LCORL: variants seen among roughly 807,000 people sequenced by gnomAD.
The protein encoded by LCORL is ligand dependent nuclear receptor corepressor like.
Under a neutral mutation model 141.8 loss-of-function variants are expected in LCORL, and 41 were observed. The observed-to-expected ratio is 0.29, with a 90% CI of 0.23 to 0.38. The LOEUF is 0.38. Ranked by LOEUF, LCORL falls within the 10% of genes least tolerant of loss-of-function variation. LCORL has a pLI of 1.00. For synonymous variants in LCORL, 618 were observed against 694.1 expected (o/e 0.89, Z 1.72); for missense variants, 1,759 against 2,035.0 (o/e 0.86, Z 2.61).
chr4:17,923,691 C>T (rs1486709410), intron 4 of LCORL, among the ~76,000 whole-genome samples: 2 of 151,894 alleles, frequency 1.3e-5, no homozygotes, highest in South Asian at 2.1e-4. Context: ...TGTGAGCGAG[C>T]TGGAAATGCC....
At chr4:18,020,634 A>G (rs1725352493) in intron 1 of LCORL, 1 of 152,086 alleles carries the variant, frequency 6.6e-6, no homozygotes, top group Non-Finnish European at 1.5e-5. Context: ...ACCCTAAACA[A>G]TCCACAGGGT....
At position 17,940,187 on chromosome 4, in the gene LCORL, TAC is replaced by T. The variant is rs1448324270; in HGVS notation, c.430+21714_430+21715del. ...ATGTATACATGTATATATATATATA[TAC>T]ACACACACACATATACAGGTAGATA... On this transcript the variant is annotated intron_variant, in intron 4 of 7. Coordinates refer to ENST00000635767, the Ensembl canonical transcript of LCORL. Among the ~76,000 whole-genome samples the T allele has an allele frequency of 2.1e-3, 235 of 112,934 alleles. 9 individuals are homozygous for T. In the East Asian group the frequency reaches 0.052, roughly 25 times the overall value. 74.1% of individuals were successfully genotyped at this position (112,934 alleles called of 152,430 possible).
intron 5 of LCORL, among the ~76,000 whole-genome samples, chr4:17,888,987 GCTCT>G (rs1174155214): frequency 6.6e-6 from 1 of 151,950 alleles, no homozygotes; most frequent in Non-Finnish European, 1.5e-5. Context: ...CCCATTCTAA[GCTCT>G]CTTAGACTTG....
rs1727642344 is a variant in LCORL at position 17,882,038 on chromosome 4, AG to A, written c.777-3826del. 11 of 983,386 alleles carry A rather than the reference AG, an allele frequency of 1.1e-5. No individual in the cohort carries two copies. The South Asian group carries it at 4.7e-4, about 42-fold the overall frequency. The allele number at this position is 983,386 out of a possible 1,614,324, so 60.9% of individuals were successfully genotyped here. ...GTGCAGGTAACATTAATAGCTGAAGAGGGTTAAGTATAGATCTCAGAGACCA... is the reference window on the plus strand; with the variant it reads ...GTGCAGGTAACATTAATAGCTGAAGAGGTTAAGTATAGATCTCAGAGACCA... On this transcript the variant is annotated intron_variant, in intron 6 of 7. Transcript: ENST00000635767.
At chr4:17,989,559 C>A (rs757121842) in intron 1 of LCORL, among the ~76,000 whole-genome samples, 2 of 152,168 alleles carry the variant, frequency 1.3e-5, no homozygotes, top group Non-Finnish European at 2.9e-5. Context: ...GCAGAAGTAT[C>A]TCCCAAACTT....
intron 4 of LCORL, among the ~76,000 whole-genome samples, chr4:17,915,309 A>T (rs2109350221): frequency 1.3e-5 from 2 of 152,320 alleles, no homozygotes; most frequent in South Asian, 4.1e-4. Flanking sequence ...ACCACAACCC[A>T]GCTCACTCCT....
chr4:17,906,879 GT>G (rs1201378273), intron 5 of LCORL, among the ~76,000 whole-genome samples: 4 of 152,136 alleles, frequency 2.6e-5, no homozygotes, highest in East Asian at 1.9e-4. Context: ...TAGAGACGGG[GT>G]TTCACCATGT....
intron 7 of LCORL, among the ~76,000 whole-genome samples, chr4:17,863,704 A>G (rs1011888134): frequency 6.6e-6 from 1 of 152,252 alleles, no homozygotes; most frequent in African/African-American, 2.4e-5. Context: ...ATGTACATTT[A>G]TCACAGCATT....
intron 1 of LCORL, among the ~76,000 whole-genome samples, chr4:18,011,447 A>C (rs1723772296): frequency 1.3e-5 from 2 of 151,818 alleles, no homozygotes; most frequent in Non-Finnish European, 2.9e-5. Flanking sequence ...AAAAAAAAAC[A>C]ACTTCAAAGG....
rs956098318 is a variant in LCORL, at chr4:17,893,547, T to G, written c.683-7386A>C. On this transcript the variant is annotated intron_variant, in intron 5 of 7. Coordinates refer to ENST00000635767, the Ensembl canonical transcript of LCORL. ...AGGTAGATATTCTTCAGAAAATGGT[T>G]TGGAAGGACTGAACACAGGAGCACC... 5 of 985,182 alleles carry G rather than the reference T, an allele frequency of 5.1e-6. No individual in the cohort carries two copies. The African/African-American group carries it at 7.0e-5, about 14-fold the overall frequency. 61.0% of individuals were successfully genotyped at this position (985,182 alleles called of 1,614,324 possible).
intron 2 of LCORL, among the ~76,000 whole-genome samples, chr4:17,964,326 T>C (rs1714429742): frequency 6.6e-6 from 1 of 152,126 alleles, no homozygotes; most frequent in African/African-American, 2.4e-5. Context: ...TTACCTTGTA[T>C]GTGAATAAGG....
chr4:17,988,050 G>A (rs993335219), intron 1 of LCORL, among the ~76,000 whole-genome samples: 4 of 152,098 alleles, frequency 2.6e-5, no homozygotes, highest in African/African-American at 9.7e-5. Context: ...GATTTATAGG[G>A]GCGGGTCTTT....
intron 7 of LCORL, among the ~76,000 whole-genome samples, chr4:17,848,178 G>GA (rs1055609874): frequency 1.3e-5 from 2 of 151,914 alleles, no homozygotes; most frequent in African/African-American, 2.4e-5. Context: ...TGTCAGTTTT[G>GA]AAAAAAACCT....
rs186441605 is a variant in LCORL at position 17,986,588 on chromosome 4, T to G, written c.155-13703A>C. On this transcript the variant is annotated intron_variant, in intron 1 of 7. Transcript: ENST00000635767. Reference sequence around the variant, plus strand: ...ATTGCATTGTGATATTCTTGTAGTGTGTTTTTCTGCTCTATCAGATCAGTT... The same window carrying G: ...ATTGCATTGTGATATTCTTGTAGTGGGTTTTTCTGCTCTATCAGATCAGTT... Among the ~76,000 whole-genome samples the G allele has an allele frequency of 1.3e-4, 20 of 152,350 alleles. No homozygotes were observed. In the East Asian group the frequency reaches 3.7e-3, roughly 28 times the overall value.
chr4:17,878,057 G>A, exon 7 of LCORL: 1 of 1,230,518 alleles, frequency 8.1e-7, no homozygotes, highest in Non-Finnish European at 1.0e-6. Flanking sequence ...TATTACAACA[G>A]CAAAGAGAAG....
At chr4:17,975,139 C>T (rs188123444) in intron 1 of LCORL, among the ~76,000 whole-genome samples, 138 of 151,714 alleles carry the variant, frequency 9.1e-4, no homozygotes, top group Non-Finnish European at 1.5e-3. Flanking sequence ...ACTTATTTTT[C>T]TAAGTTTTTA....
chr4:17,875,663 G>C, exon 7 of LCORL: 1 of 1,231,320 alleles, frequency 8.1e-7, no homozygotes, highest in South Asian at 4.1e-5. Context: ...GGCAAACAGT[G>C]ATGTTTGTTT....
chr4:17,986,901 ATTTTGT>A (rs1305992765), intron 1 of LCORL, among the ~76,000 whole-genome samples: 1 of 151,788 alleles, frequency 6.6e-6, no homozygotes, highest in Non-Finnish European at 1.5e-5. Context: ...TACACTTTTC[ATTTTGT>A]TTTTGAGTGG....
At position 18,021,722 on chromosome 4, in the gene LCORL, A is replaced by T. The variant is rs777252972; in HGVS notation, c.30T>A (p.Ala10=). Residue 10 remains alanine (A), a synonymous_variant, in exon 1 of 8, where the codon GCT becomes GCA. Transcript: ENST00000635767. This position sits in a 1 kb window ranked among gnomAD's most constrained non-coding sequence, Gnocchi z 5.5. ...CGGCGGCGGCAGCAGCGGCGGCGGC[A>T]GCGGCCATTCTCTCTCTTCCCTTGT... 31 of 1,520,880 alleles carry T rather than the reference A, an allele frequency of 2.0e-5. 1 individual carries two copies. Among genetic ancestry groups the T allele is most frequent in the Non-Finnish European group, 8.8e-7 (1 of 1,132,582 alleles). The allele number at this position is 1,520,880 out of a possible 1,614,324, so 94.2% of individuals were successfully genotyped here. A position where few individuals can be genotyped will look rare whatever the true frequency, so the allele number is the denominator to read the frequency against.
Sources: allele counts gnomAD v4.1 joint callset (sites outside exome capture counted in the v4.1 genomes callset), GRCh38; gene constraint gnomAD v4.1.1; non-coding constraint Gnocchi (gnomAD v3.1); transcripts MANE v1.5; gene names NCBI Gene and HGNC (gene_info 2026-07-23, HGNC 2026-07-21).